EIF2AK3: variants seen among roughly 807,000 people sequenced by gnomAD.
The protein encoded by EIF2AK3 is eukaryotic translation initiation factor 2 alpha kinase 3.
A neutral mutation model predicts 113.5 loss-of-function variants in EIF2AK3; 50 were observed. That is an observed-to-expected ratio of 0.44 (90% CI 0.35 to 0.56). The LOEUF (loss-of-function observed/expected upper bound fraction) is 0.56. Among genes scored for constraint, EIF2AK3 ranks in the 20% least tolerant of loss-of-function variants. The pLI is 0.00. For synonymous variants in EIF2AK3, 448 were observed against 495.4 expected (o/e 0.90, Z 1.27); for missense variants, 1,185 against 1,378.0 (o/e 0.86, Z 2.22).
At chr2:88,597,085 C>T (rs1293333241) in intron 2 of EIF2AK3, among the ~76,000 whole-genome samples, 2 of 152,128 alleles carry the variant, frequency 1.3e-5, no homozygotes, top group African/African-American at 4.8e-5. Flanking sequence ...CTTTAAGCAG[C>T]AGATTGCTTT....
chr2:88,591,643 A>T (rs1016932443), intron 4 of EIF2AK3, among the ~76,000 whole-genome samples: 8 of 152,226 alleles, frequency 5.3e-5, no homozygotes, highest in Admixed American at 5.2e-4. Context: ...GTCTTATCCT[A>T]AAGTGGCAGT....
chr2:88,605,381 G>T (rs1675246185), intron 2 of EIF2AK3, among the ~76,000 whole-genome samples: 1 of 152,128 alleles, frequency 6.6e-6, no homozygotes, highest in South Asian at 2.1e-4. Context: ...GTAAATTAAA[G>T]GCGGGAGCAG....
chr2:88,562,598 G>A (rs1376499939), intron 14 of EIF2AK3, among the ~76,000 whole-genome samples: 1 of 152,130 alleles, frequency 6.6e-6, no homozygotes, highest in African/African-American at 2.4e-5. Context: ...ATTACAGAAG[G>A]AAAGCCCAGG....
At chr2:88,626,328 C>T (rs1235872510) in intron 1 of EIF2AK3, among the ~76,000 whole-genome samples, 1 of 152,194 alleles carries the variant, frequency 6.6e-6, no homozygotes, top group East Asian at 1.9e-4. Flanking sequence ...AGCTCTTAAA[C>T]TTTAGCGTGC....
chr2:88,590,370 T>C (rs1016030273), intron 6 of EIF2AK3, 73 bp downstream of exon 6: 8 of 1,512,790 alleles, frequency 5.3e-6, no homozygotes, highest in Non-Finnish European at 1.8e-6. Flanking sequence ...ACTCCTGAAG[T>C]AGGAAGGAAC....
intron 6 of EIF2AK3, among the ~76,000 whole-genome samples, chr2:88,589,604 T>C (rs1674830884): frequency 6.6e-6 from 1 of 150,894 alleles, no homozygotes; most frequent in African/African-American, 2.4e-5. Context: ...ACTTTGAGGA[T>C]ATATACCTAA....
chr2:88,577,476 T>A (rs76436541), intron 11 of EIF2AK3, among the ~76,000 whole-genome samples: 2 of 151,048 alleles, frequency 1.3e-5, no homozygotes, highest in African/African-American at 4.9e-5. Flanking sequence ...TTTTTTTTTT[T>A]CCTGAGACAG....
rs1176748814 is a variant in EIF2AK3 at position 88,608,700 on chromosome 2, C to CTT, written c.438+5022_438+5023dup. ...CATTTCAAATGGCAGTTTTTGATTT[C>CTT]TTTTTTTTTTTTTTTTTTTTTTTTT... On this transcript the variant is annotated intron_variant, in intron 2 of 16. Transcript: ENST00000303236. Among the ~76,000 whole-genome samples the CTT allele has an allele frequency of 1.1e-3, 66 of 62,018 alleles. 3 individuals are homozygous for CTT. The highest frequency in any genetic ancestry group is 1.3e-3 in the Non-Finnish European group (49 of 36,468). The allele number at this position is 62,018 out of a possible 152,430, so 40.7% of individuals were successfully genotyped here.
intron 1 of EIF2AK3, among the ~76,000 whole-genome samples, chr2:88,625,711 G>T (rs867327868): frequency 4.4e-4 from 67 of 152,154 alleles, no homozygotes; most frequent in African/African-American, 1.6e-3. Flanking sequence ...TGAATTCTAA[G>T]AAAAAGAAAA....
At chr2:88,612,367 C>A (rs897033891) in intron 2 of EIF2AK3, among the ~76,000 whole-genome samples, 1 of 152,102 alleles carries the variant, frequency 6.6e-6, no homozygotes, top group Non-Finnish European at 1.5e-5. Flanking sequence ...AACATGCATA[C>A]CCAAGCATAA....
At chr2:88,613,286 A>C (rs1250050211) in intron 2 of EIF2AK3, among the ~76,000 whole-genome samples, 1 of 152,346 alleles carries the variant, frequency 6.6e-6, no homozygotes, top group Admixed American at 6.5e-5. Flanking sequence ...TTACAAAAAA[A>C]TTTCAGATGA....
chr2:88,600,628 C>G (rs1675127930), intron 2 of EIF2AK3, among the ~76,000 whole-genome samples: 1 of 152,164 alleles, frequency 6.6e-6, no homozygotes, highest in Non-Finnish European at 1.5e-5. Flanking sequence ...TAAAGTAATT[C>G]CGTTTCTGTT....
At chr2:88,571,191 T>A in intron 13 of EIF2AK3, 150 bp from the exon 14 acceptor site, 1 of 991,160 alleles carries the variant, frequency 1.0e-6, no homozygotes. Flanking sequence ...AGGAAAATAG[T>A]GACAATTTTT....
chr2:88,566,994 A>G (rs932846970), intron 14 of EIF2AK3, among the ~76,000 whole-genome samples: 2 of 152,218 alleles, frequency 1.3e-5, no homozygotes, highest in African/African-American at 4.8e-5. Context: ...AAGCAAAAAT[A>G]AAAACAGACA....
rs1283594886 is a variant in EIF2AK3, at chr2:88,574,873, G to GT, written c.2609dup (p.Asn870LysfsTer62). The GT allele has an allele frequency of 6.2e-7, 1 of 1,614,198 alleles. No individual in the cohort carries two copies. The highest frequency in any genetic ancestry group is 1.3e-5 in the African/African-American group (1 of 75,066). The stretch of plus-strand genomic sequence containing the variant: ...AACTGGGCTGGAGTTTTTCTGTGGT[G>GT]TTTTTAGTGAGATCTAAACTTAAAG... On this transcript the variant is annotated frameshift_variant, in exon 13 of 17. Coordinates refer to ENST00000303236, the MANE Select transcript of EIF2AK3 (RefSeq NM_004836.7). LOFTEE classifies it high-confidence loss of function.
chr2:88,626,826 G>T, intron 1 of EIF2AK3, 141 bp downstream of exon 1: 1 of 1,180,116 alleles, frequency 8.5e-7, no homozygotes, highest in Non-Finnish European at 1.2e-6. Context: ...GTGGCCCCGC[G>T]CTCGTCCCCA....
chr2:88,592,931 C>T (rs1001003417), intron 4 of EIF2AK3, among the ~76,000 whole-genome samples: 1 of 152,120 alleles, frequency 6.6e-6, no homozygotes, highest in African/African-American at 2.4e-5. Context: ...CACCTGACGT[C>T]GGGAGTTGGA....
chr2:88,578,405 G>A (rs758201350), intron 11 of EIF2AK3, among the ~76,000 whole-genome samples: 5 of 151,908 alleles, frequency 3.3e-5, no homozygotes, highest in Non-Finnish European at 7.4e-5. Context: ...AAAATTAGCC[G>A]AGTGTGGTGG....
At chr2:88,611,467 T>C (rs1192522514) in intron 2 of EIF2AK3, among the ~76,000 whole-genome samples, 2 of 152,162 alleles carry the variant, frequency 1.3e-5, no homozygotes, top group Non-Finnish European at 2.9e-5. Flanking sequence ...CTAGTTAATC[T>C]ATCATGTTAT....
Sources: allele counts gnomAD v4.1 joint callset (sites outside exome capture counted in the v4.1 genomes callset), GRCh38; gene constraint gnomAD v4.1.1; transcripts MANE v1.5; gene names NCBI Gene and HGNC (gene_info 2026-07-23, HGNC 2026-07-21).